Variants in ANO3 observed in about 807,000 individuals in gnomAD.
ANO3 encodes the protein anoctamin-3.
A neutral mutation model predicts 144.8 loss-of-function variants in ANO3; 99 were observed. The ratio of observed to expected loss-of-function variants is 0.68; its 90% CI spans 0.58 to 0.81. The LOEUF is 0.81. ANO3 is among the 30% of genes least tolerant of loss of function. ANO3 has a pLI of 0.00. For synonymous variants in ANO3, 414 were observed against 392.6 expected (o/e 1.05, Z -0.64); for missense variants, 905 against 1,202.2 (o/e 0.75, Z 3.66).
chr11:26,392,239 C>CTTTTTT (rs33986969), intron 1 of ANO3, among the ~76,000 whole-genome samples: 2 of 130,636 alleles, frequency 1.5e-5, no homozygotes, highest in African/African-American at 2.8e-5. Context: ...GAATTCCTGC[C>CTTTTTT]TTTTTTTTTT....
rs563781159 is a variant in ANO3 at position 26,494,346 on chromosome 11, T to C, written c.433-13758T>C. Among the ~76,000 whole-genome samples, 19 of 152,276 alleles carry C rather than the reference T, an allele frequency of 1.2e-4. No homozygotes were observed. In the South Asian group the frequency reaches 3.9e-3, roughly 32 times the overall value. On this transcript the variant is annotated intron_variant, in intron 4 of 26. Transcript: ENST00000256737. ...CACCTAAGAAGTCTGGCACTCTTGC[T>C]AGCTATTTTACATATGTCACCATCT...
At chr11:26,503,412 T>A (rs191017799) in intron 4 of ANO3, among the ~76,000 whole-genome samples, 11 of 152,242 alleles carry the variant, frequency 7.2e-5, no homozygotes, top group Admixed American at 2.0e-4. Context: ...TTTAAAGCAA[T>A]AGGTTTGAAC....
intron 23 of ANO3, among the ~76,000 whole-genome samples, chr11:26,644,770 G>A (rs1853285627): frequency 6.6e-6 from 1 of 150,828 alleles, no homozygotes; most frequent in Non-Finnish European, 1.5e-5. Context: ...GGTGGCCATT[G>A]AATCTGATTT....
Position 26,598,366 on chromosome 11 carries a change from C to T in ANO3, c.1449C>T (p.Ala483=). Reference sequence around the variant, plus strand: ...AATTATCATTTTTATATTTTATAGCCACAGTCTTCCTGGAGTTTTGGAAAA... The same window carrying T: ...AATTATCATTTTTATATTTTATAGCTACAGTCTTCCTGGAGTTTTGGAAAA... ...VFFAIFMAIW[A]TVFLEFWKRR... is the part of the protein sequence containing the mutation. Residue 483 remains alanine (A), a splice_region_variant and synonymous_variant, in exon 15 of 27, where the codon GCC becomes GCT. Coordinates refer to ENST00000256737, the MANE Select transcript of ANO3 (RefSeq NM_031418.4). 6.6e-7 allele frequency: 1 copy of T among 1,515,154 alleles called. No individual in the cohort carries two copies. The highest frequency in any genetic ancestry group is 8.9e-7 in the Non-Finnish European group (1 of 1,129,338). The allele number at this position is 1,515,154 out of a possible 1,614,324, so 93.9% of individuals were successfully genotyped here.
chr11:26,644,815 T>TCTCACACA (rs372462989), intron 23 of ANO3, among the ~76,000 whole-genome samples: 3 of 145,200 alleles, frequency 2.1e-5, no homozygotes, highest in Non-Finnish European at 3.0e-5. Flanking sequence ...GGAATACTAA[T>TCTCACACA]CACACACACA....
At chr11:26,192,529 A>C (rs1851497974) in intron 1 of ANO3, among the ~76,000 whole-genome samples, 1 of 152,230 alleles carries the variant, frequency 6.6e-6, no homozygotes, top group Admixed American at 6.5e-5. Flanking sequence ...TATCAAAAAC[A>C]GTGTTTATAC....
chr11:26,340,893 A>G (rs1274691427), intron 1 of ANO3, among the ~76,000 whole-genome samples: 1 of 152,122 alleles, frequency 6.6e-6, no homozygotes, highest in Non-Finnish European at 1.5e-5. Context: ...GATTCATGTC[A>G]AACTGGACAC....
chr11:26,548,954 A>AGG (rs1565096621), intron 12 of ANO3, among the ~76,000 whole-genome samples: 9 of 133,848 alleles, frequency 6.7e-5, no homozygotes, highest in South Asian at 2.2e-4. Flanking sequence ...TGAATTGGAA[A>AGG]AAAAAAAAAA....
Position 26,565,611 on chromosome 11 carries a change from C to T in ANO3, c.1447+5832C>T, listed in dbSNP as rs138488868. On this transcript the variant is annotated intron_variant, in intron 14 of 26. Transcript: ENST00000256737. ...TGAGTTACTGGAGAAATCTGTTATT[C>T]CGTGGCTGTTGTTGGGTAGATTCAA... The T allele has an allele frequency of 3.7e-6, 6 of 1,613,018 alleles. No homozygotes were observed. The South Asian group carries it at 6.6e-5, about 18-fold the overall frequency.
intron 1 of ANO3, among the ~76,000 whole-genome samples, chr11:26,249,347 T>A (rs968327730): frequency 1.3e-5 from 2 of 152,204 alleles, no homozygotes; most frequent in Non-Finnish European, 2.9e-5. Flanking sequence ...CACATTCTAC[T>A]ACGAAGCTAA....
At chr11:26,237,232 C>T (rs965669862) in intron 1 of ANO3, among the ~76,000 whole-genome samples, 3 of 152,106 alleles carry the variant, frequency 2.0e-5, no homozygotes, top group Non-Finnish European at 2.9e-5. Flanking sequence ...GAGTAACCTA[C>T]TAAATTTTTA....
intron 4 of ANO3, among the ~76,000 whole-genome samples, chr11:26,503,054 C>T (rs1861265116): frequency 6.6e-6 from 1 of 152,184 alleles, no homozygotes; most frequent in Admixed American, 6.5e-5. Context: ...TTAGAAAGAT[C>T]AGCTTTTCTG....
At chr11:26,363,342 G>A (rs995548630) in intron 1 of ANO3, among the ~76,000 whole-genome samples, 4 of 152,120 alleles carry the variant, frequency 2.6e-5, no homozygotes, top group African/African-American at 9.7e-5. Context: ...ATACTGGGTG[G>A]CTTAAGAAAC....
intron 5 of ANO3, among the ~76,000 whole-genome samples, chr11:26,516,412 G>C (rs1861866233): frequency 6.6e-6 from 1 of 151,516 alleles, no homozygotes; most frequent in Non-Finnish European, 1.5e-5. Flanking sequence ...AGTAAAATGT[G>C]GTAGAAAAAT....
chr11:26,420,580 G>A (rs1042059341), intron 1 of ANO3, among the ~76,000 whole-genome samples: 10 of 151,988 alleles, frequency 6.6e-5, no homozygotes, highest in East Asian at 1.9e-4. Flanking sequence ...TGTCTGTGCC[G>A]GTCTATTGTT....
At chr11:26,615,414 A>ATATATATATATATATTTTTT (rs1352935016) in intron 17 of ANO3, among the ~76,000 whole-genome samples, 2 of 130,700 alleles carry the variant, frequency 1.5e-5, no homozygotes, top group African/African-American at 6.0e-5. Flanking sequence ...ATATATATAT[A>ATATATATATATATATTTTTT]TTTTTTTTTT....
chr11:26,625,506 T>C (rs1300627364), intron 18 of ANO3, among the ~76,000 whole-genome samples: 1 of 152,226 alleles, frequency 6.6e-6, no homozygotes, highest in Non-Finnish European at 1.5e-5. Context: ...ATTATGTCTC[T>C]ATAACTATTT....
chr11:26,402,675 A>T (rs189221060), intron 1 of ANO3, among the ~76,000 whole-genome samples: 1 of 151,936 alleles, frequency 6.6e-6, no homozygotes, highest in African/African-American at 2.4e-5. Context: ...TCATGGACAC[A>T]TAGAGGGGAA....
rs1284200572 is a variant in ANO3, at chr11:26,457,023, T to A, written c.314-6007T>A. On this transcript the variant is annotated intron_variant, in intron 3 of 26. Coordinates refer to ENST00000256737, the MANE Select transcript of ANO3 (RefSeq NM_031418.4). ...TCTCACTCATAGGTGGGAATTGAAC[T>A]ATGAGAACACATGGACACAGGAAGG... Among the ~76,000 whole-genome samples, 18 of 144,578 alleles carry A rather than the reference T, an allele frequency of 1.2e-4. No homozygotes were observed. The East Asian group carries it at 2.1e-3, about 17-fold the overall frequency. 94.8% of individuals were successfully genotyped at this position (144,578 alleles called of 152,430 possible).
Sources: gnomAD v4.1 joint callset for allele counts (sites outside exome capture counted in the v4.1 genomes callset) on GRCh38, gnomAD v4.1.1 for gene constraint, MANE v1.5 for transcripts, NCBI Gene and HGNC (gene_info 2026-07-23, HGNC 2026-07-21) for gene names.